Variants in MAGI2 observed in about 807,000 individuals in gnomAD.
The protein encoded by MAGI2 is membrane associated guanylate kinase, WW and PDZ domain containing 2, also known as membrane-associated guanylate kinase, WW and PDZ domain-containing protein 2.
MAGI2 carries 35 observed loss-of-function variants against 133.3 expected under a neutral mutation model. That is an observed-to-expected ratio of 0.26 (90% CI 0.20 to 0.35). The LOEUF (loss-of-function observed/expected upper bound fraction) is 0.35. Among genes scored for constraint, MAGI2 ranks in the 10% least tolerant of loss-of-function variants. The probability of loss-of-function intolerance (pLI) is 1.00; values close to 1 mark genes in which losing one functional copy is unlikely to be tolerated. For missense variants in MAGI2, 1,636 were observed against 1,863.4 expected (o/e 0.88, Z 2.25); for synonymous variants, 729 against 710.6 (o/e 1.03, Z -0.41).
chr7:78,085,223 C>T (rs1284776968), intron 20 of MAGI2, among the ~76,000 whole-genome samples: 2 of 152,078 alleles, frequency 1.3e-5, no homozygotes, highest in Admixed American at 1.3e-4. Flanking sequence ...ATGTTTTAGA[C>T]AGTAATCACT....
intron 4 of MAGI2, chr7:78,518,308 A>T (rs530589446): frequency 1.1e-4 from 16 of 152,312 alleles, no homozygotes; most frequent in Admixed American, 3.9e-4. Context: ...AAATATATTT[A>T]TGCTTGTATT....
At chr7:78,631,868 G>C (rs980857726) in intron 2 of MAGI2, among the ~76,000 whole-genome samples, 3 of 152,156 alleles carry the variant, frequency 2.0e-5, no homozygotes, top group Admixed American at 2.0e-4. Flanking sequence ...TCAGCCACTT[G>C]TTATCAGTAT....
At chr7:78,274,482 T>C (rs1794869180) in intron 9 of MAGI2, among the ~76,000 whole-genome samples, 1 of 152,216 alleles carries the variant, frequency 6.6e-6, no homozygotes, top group African/African-American at 2.4e-5. Context: ...GGAGAACCAC[T>C]GCTCTCTTCA....
intron 9 of MAGI2, among the ~76,000 whole-genome samples, chr7:78,296,355 T>C (rs1562775500): frequency 6.6e-6 from 1 of 152,202 alleles, no homozygotes; most frequent in African/African-American, 2.4e-5. Flanking sequence ...CTTAGGCCTC[T>C]GGAGTTTCTG....
At chr7:78,555,852 C>CA (rs1195891328) in intron 3 of MAGI2, among the ~76,000 whole-genome samples, 2 of 152,168 alleles carry the variant, frequency 1.3e-5, no homozygotes, top group Non-Finnish European at 2.9e-5. Flanking sequence ...GTTTCTATTG[C>CA]ATTTATATAT....
chr7:78,693,270 C>A lies in MAGI2; in HGVS notation c.419-66031G>T, dbSNP rs1039023579. 2.6e-5 allele frequency among the ~76,000 whole-genome samples: 4 copies of A among 152,110 alleles called. No homozygotes were observed. The East Asian group carries it at 7.7e-4, about 29-fold the overall frequency. On this transcript the variant is annotated intron_variant, in intron 2 of 21. Transcript: ENST00000354212. ...AAAGCACATAATATAGTGCTGGGGA[C>A]AAATCAGGTGCTCAATTGGCATTTA...
chr7:79,273,834 T>C (rs980350226), intron 1 of MAGI2, among the ~76,000 whole-genome samples: 5 of 152,116 alleles, frequency 3.3e-5, no homozygotes, highest in African/African-American at 1.2e-4. Context: ...CCTGTTCCTC[T>C]TAGGAAATGT....
chr7:78,665,018 T>C (rs1813394427), intron 2 of MAGI2, among the ~76,000 whole-genome samples: 1 of 152,098 alleles, frequency 6.6e-6, no homozygotes, highest in Admixed American at 6.6e-5. Context: ...ATGATTTTGG[T>C]CACTGCATTT....
Position 79,315,164 on chromosome 7 carries a change from C to CT in MAGI2, c.301+137855dup, listed in dbSNP as rs33911640. Among the ~76,000 whole-genome samples the CT allele has an allele frequency of 2.5e-3, 356 of 140,656 alleles. 3 individuals are homozygous for CT. The highest frequency in any genetic ancestry group is 0.013 in the South Asian group (58 of 4,440). 92.3% of individuals were successfully genotyped at this position (140,656 alleles called of 152,430 possible). A position where few individuals can be genotyped will look rare whatever the true frequency, so the allele number is the denominator to read the frequency against. On this transcript the variant is annotated intron_variant, in intron 1 of 21. Coordinates refer to ENST00000354212, the MANE Select transcript of MAGI2 (RefSeq NM_012301.4). ...ACAGTAGTATAAACTAGATTTAACT[C>CT]TTTTTTTTTTTTTTAAGGTGAAGTC...
At chr7:78,300,872 A>C (rs1225843747) in intron 9 of MAGI2, among the ~76,000 whole-genome samples, 1 of 152,222 alleles carries the variant, frequency 6.6e-6, no homozygotes, top group Non-Finnish European at 1.5e-5. Flanking sequence ...GCTTTTTGAA[A>C]TAGGCTTTCA....
chr7:78,997,588 C>T (rs949519916), intron 2 of MAGI2, among the ~76,000 whole-genome samples: 257 of 145,248 alleles, frequency 1.8e-3, no homozygotes, highest in African/African-American at 6.1e-3. Flanking sequence ...GGTGACAGAG[C>T]GAGACTCCAT....
chr7:79,325,641 G>A (rs935028902), intron 1 of MAGI2, among the ~76,000 whole-genome samples: 2 of 152,142 alleles, frequency 1.3e-5, no homozygotes, highest in Non-Finnish European at 2.9e-5. Flanking sequence ...TACAGCAGCA[G>A]ATGCACCAAA....
intron 2 of MAGI2, among the ~76,000 whole-genome samples, chr7:78,714,826 C>A (rs751932409): frequency 1.8e-4 from 27 of 152,164 alleles, no homozygotes; most frequent in Non-Finnish European, 2.9e-4. Flanking sequence ...ATGGAAGTCA[C>A]AATGATTTAA....
intron 1 of MAGI2, among the ~76,000 whole-genome samples, chr7:79,019,424 T>C (rs2363930): frequency 0.58 from 88,854 of 152,042 alleles, 26,335 homozygotes; most frequent in East Asian, 0.63. Context: ...TGTGAAGAGG[T>C]GCCTTCTACC....
chr7:78,561,015 T>A (rs1337539893), intron 3 of MAGI2, among the ~76,000 whole-genome samples: 2 of 152,164 alleles, frequency 1.3e-5, no homozygotes, highest in African/African-American at 4.8e-5. Context: ...GGGTAGGTGT[T>A]GCAGAAAAAT....
chr7:78,296,123 G>GTCAA (rs1185360348), intron 9 of MAGI2, among the ~76,000 whole-genome samples: 3 of 152,034 alleles, frequency 2.0e-5, no homozygotes, highest in Non-Finnish European at 4.4e-5. Context: ...AGAGTCCATT[G>GTCAA]TCAATCAGAG....
intron 6 of MAGI2, among the ~76,000 whole-genome samples, chr7:78,374,188 G>A (rs1028044543): frequency 2.0e-5 from 3 of 152,100 alleles, no homozygotes; most frequent in Middle Eastern, 3.4e-3. Context: ...TGCTTTCCAT[G>A]TAAGTGTTCC....
intron 2 of MAGI2, among the ~76,000 whole-genome samples, chr7:78,869,736 G>T (rs1434032384): frequency 6.6e-6 from 1 of 152,090 alleles, no homozygotes; most frequent in Non-Finnish European, 1.5e-5. Context: ...ATAACAGCAA[G>T]GCAGAAATCT....
intron 1 of MAGI2, among the ~76,000 whole-genome samples, chr7:79,117,231 C>A (rs746689860): frequency 6.6e-6 from 1 of 151,930 alleles, no homozygotes; most frequent in African/African-American, 2.4e-5. Flanking sequence ...GAGTAGAAAC[C>A]CACTAAGAAA....
Sources: gnomAD v4.1 joint callset for allele counts (sites outside exome capture counted in the v4.1 genomes callset) on GRCh38, gnomAD v4.1.1 for gene constraint, MANE v1.5 for transcripts, NCBI Gene and HGNC (gene_info 2026-07-23, HGNC 2026-07-21) for gene names.